Variants in EML5 observed in about 807,000 individuals in gnomAD.
EML5 encodes the protein EMAP like 5, also known as echinoderm microtubule-associated protein-like 5.
A neutral mutation model predicts 250.0 loss-of-function variants in EML5; 120 were observed. The observed-to-expected ratio is 0.48, with a 90% CI of 0.41 to 0.56. EML5 has a LOEUF of 0.56. Ranked by LOEUF, EML5 falls within the 20% of genes least tolerant of loss-of-function variation. The probability of loss-of-function intolerance (pLI) is 0.00; values close to 1 mark genes in which losing one functional copy is unlikely to be tolerated. For synonymous variants in EML5, 771 were observed against 806.5 expected, an observed-to-expected ratio of 0.96 and a Z score of 0.75; for missense variants, 2,006 against 2,437.6, an observed-to-expected ratio of 0.82 and a Z score of 3.73.
Position 88,705,548 on chromosome 14 carries a change from A to G in EML5, c.1866T>C (p.Asp622=), listed in dbSNP as rs778523979. The part of the protein sequence containing the change: ...ADSHSDESDS[D]LSDVPELDSE... Reference sequence around the variant, plus strand: ...AATCCAGTTCTGGAACATCAGACAGATCTGAATCTGATTCATCACTATGAG... The same window carrying G: ...AATCCAGTTCTGGAACATCAGACAGGTCTGAATCTGATTCATCACTATGAG... The change falls in exon 12 of 44, where the codon GAT becomes GAC. Residue 622 remains aspartate, a synonymous_variant. Transcript: ENST00000554922. The G allele has an allele frequency of 6.2e-7, 1 of 1,602,060 alleles. No homozygotes were observed. The highest frequency in any genetic ancestry group is 8.5e-7 in the Non-Finnish European group (1 of 1,173,608).
At chr14:88,641,941 C>A (rs1175448741) in intron 31 of EML5, among the ~76,000 whole-genome samples, 2 of 152,168 alleles carry the variant, frequency 1.3e-5, no homozygotes, top group African/African-American at 4.8e-5. Flanking sequence ...GACAGACAGA[C>A]CTCGATTAAG....
At chr14:88,755,615 A>C (rs759812422) in intron 1 of EML5, among the ~76,000 whole-genome samples, 51 of 152,186 alleles carry the variant, frequency 3.4e-4, no homozygotes, top group Non-Finnish European at 5.1e-4. Context: ...TTACAATATC[A>C]TATTTGCCCT....
intron 4 of EML5, among the ~76,000 whole-genome samples, chr14:88,742,920 T>C (rs376775192): frequency 6.6e-6 from 1 of 152,056 alleles, no homozygotes; most frequent in African/African-American, 2.4e-5. Flanking sequence ...CCTTAATTAA[T>C]TCACTAGGAA....
At chr14:88,692,964 T>C (rs981820600) in intron 17 of EML5, among the ~76,000 whole-genome samples, 1 of 152,226 alleles carries the variant, frequency 6.6e-6, no homozygotes, top group Non-Finnish European at 1.5e-5. Context: ...AGTTTCAATT[T>C]ATTGAGATTT....
rs1166618122 is a variant in EML5, at chr14:88,736,521, C to T, written c.892G>A (p.Val298Ile). ...SVCWRGDHIL[V>I]GTQDSEIFEI... ...AAAATTTCACTGTCCTGTGTTCCAA[C>T]TAGAATGTGGTCACCTCGCCAACAC... Residue 298 changes from valine to isoleucine, a missense_variant, in exon 7 of 44, where the codon GTT becomes ATT. By Grantham distance (29) the Val-to-Ile change is conservative (BLOSUM62 3). This residue lies in a region of EML5 where 1,375 missense variants were observed against 1,590.3 expected (regional missense o/e 0.86). Transcript: ENST00000554922. 6.2e-7 allele frequency: 1 copy of T among 1,613,846 alleles called. No individual in the cohort carries two copies. The highest frequency in any genetic ancestry group is 8.5e-7 in the Non-Finnish European group (1 of 1,179,898).
chr14:88,634,353 T>G, intron 33 of EML5, 116 bp downstream of exon 33: 1 of 656,802 alleles, frequency 1.5e-6, no homozygotes. Context: ...CTTTGTAAAT[T>G]ACCCAGTTCT....
chr14:88,680,210 T>C lies in EML5; in HGVS notation c.3124+1680A>G, dbSNP rs563718232. On this transcript the variant is annotated intron_variant, in intron 21 of 43. Coordinates refer to ENST00000554922, the MANE Select transcript of EML5 (RefSeq NM_183387.3). ...TTTAAATTTTTTTGACTCATGAATATCTTAAGAAATAAAATAGTTATTTAA... is the reference window on the plus strand; with the variant it reads ...TTTAAATTTTTTTGACTCATGAATACCTTAAGAAATAAAATAGTTATTTAA... Among the ~76,000 whole-genome samples the C allele has an allele frequency of 4.6e-5, 7 of 152,286 alleles. No homozygotes were observed. In the South Asian group the frequency reaches 1.5e-3, roughly 32 times the overall value.
chr14:88,746,871 C>T (rs1188597025), intron 2 of EML5, among the ~76,000 whole-genome samples: 2 of 152,154 alleles, frequency 1.3e-5, no homozygotes, highest in Non-Finnish European at 2.9e-5. Context: ...GAGGGAGAAA[C>T]ACCTCCCTGA....
intron 1 of EML5, among the ~76,000 whole-genome samples, chr14:88,756,564 C>T (rs753743791): frequency 3.9e-4 from 59 of 152,004 alleles, no homozygotes; most frequent in Non-Finnish European, 6.9e-4. Context: ...ATGATATGAT[C>T]ATATATACAG....
Position 88,694,324 on chromosome 14 carries a change from T to G in EML5, c.2522A>C (p.Lys841Thr). The G allele has an allele frequency of 6.3e-7, 1 of 1,585,856 alleles. No individual in the cohort carries two copies. The highest frequency in any genetic ancestry group is 1.2e-5 in the South Asian group (1 of 86,074). ...TTTCTTACCTGCTTTACGCCAAAAT[T>G]TCATGTGTTTAATTCCAGCTGTAAT... ...KLITAGIKHM[K>T]FWRKAGGGLI... The change falls in exon 17 of 44, where the codon AAA becomes ACA. Residue 841 changes from lysine to threonine, a missense_variant. By Grantham distance (78) the Lys-to-Thr change is moderately conservative. Coordinates refer to ENST00000554922, the MANE Select transcript of EML5 (RefSeq NM_183387.3).
chr14:88,790,536 T>G (rs192802201), intron 1 of EML5, among the ~76,000 whole-genome samples: 238 of 152,280 alleles, frequency 1.6e-3, no homozygotes, highest in African/African-American at 5.5e-3. Flanking sequence ...ATATCTAGTT[T>G]CAGAAGACCT....
chr14:88,698,265 CTTTTT>C (rs60164768), intron 14 of EML5, among the ~76,000 whole-genome samples: 1 of 119,952 alleles, frequency 8.3e-6, no homozygotes, highest in Admixed American at 8.9e-5. Context: ...CTCCAGTTTC[CTTTTT>C]TTTTTTTTTT....
At chr14:88,770,198 T>C (rs1254410030) in intron 1 of EML5, among the ~76,000 whole-genome samples, 2 of 152,170 alleles carry the variant, frequency 1.3e-5, no homozygotes, top group African/African-American at 4.8e-5. Flanking sequence ...ACAGAAAGTC[T>C]GGAGAAGAGA....
chr14:88,639,022 T>C, intron 31 of EML5, 115 bp from the exon 32 acceptor site: 1 of 742,352 alleles, frequency 1.3e-6, no homozygotes, highest in Admixed American at 2.9e-5. Context: ...AAACATGTTT[T>C]TGAGCACTTA....
intron 1 of EML5, among the ~76,000 whole-genome samples, chr14:88,755,513 CAA>C (rs2094147344): frequency 6.6e-6 from 1 of 152,040 alleles, no homozygotes; most frequent in Non-Finnish European, 1.5e-5. Context: ...AAAAACAAGA[CAA>C]AGACCTAGCA....
Position 88,715,011 on chromosome 14 carries a change from C to G in EML5, c.1372G>C (p.Asp458His), listed in dbSNP as rs2093469143. The change falls in exon 9 of 44, where the codon GAC becomes CAC. Residue 458 changes from aspartate to histidine, a missense_variant. Coordinates refer to ENST00000554922, the MANE Select transcript of EML5 (RefSeq NM_183387.3). ...LGSLSFITHL[D>H]WSSDSRYLQT... ...AAATATCTACTGTCTGAAGACCAGT[C>G]CAGATGAGTGATGAAACTAAGGGAT... 6.2e-7 allele frequency: 1 copy of G among 1,613,736 alleles called. No homozygotes were observed. Among genetic ancestry groups the G allele is most frequent in the Non-Finnish European group, 8.5e-7 (1 of 1,179,848 alleles).
chr14:88,774,306 G>A (rs1012534335), intron 1 of EML5, among the ~76,000 whole-genome samples: 3 of 152,160 alleles, frequency 2.0e-5, no homozygotes, highest in African/African-American at 7.2e-5. Context: ...ACGATCCAGG[G>A]CTGCCAGCTA....
chr14:88,717,337 A>G (rs1253786585), intron 8 of EML5, among the ~76,000 whole-genome samples: 1 of 152,164 alleles, frequency 6.6e-6, no homozygotes, highest in African/African-American at 2.4e-5. Flanking sequence ...TTTGGTGTGA[A>G]CTCAGTCTGC....
chr14:88,770,992 T>C (rs1210433580), intron 1 of EML5, among the ~76,000 whole-genome samples: 3 of 152,226 alleles, frequency 2.0e-5, no homozygotes, highest in African/African-American at 4.8e-5. Flanking sequence ...ACATATTAAG[T>C]TGCTTTAAGT....
Sources: allele counts gnomAD v4.1 joint callset (sites outside exome capture counted in the v4.1 genomes callset), GRCh38; gene constraint gnomAD v4.1.1; regional missense constraint gnomAD v4.1.1; transcripts MANE v1.5; gene names NCBI Gene and HGNC (gene_info 2026-07-23, HGNC 2026-07-21).